The following PKIB variants were observed in gnomAD, a reference collection of about 807,000 sequenced individuals.
The protein encoded by PKIB is PKI-beta.
In PKIB, 2 loss-of-function variants were observed where a neutral mutation model predicts 4.5. That is an observed-to-expected ratio of 0.44 (90% CI 0.18 to 1.39). PKIB has a LOEUF of 1.39. Ranked by LOEUF, PKIB falls within the 40% of genes most tolerant of loss-of-function variation. PKIB has a pLI of 0.27. For missense variants in PKIB, 94 were observed against 92.6 expected (o/e 1.02, Z -0.06); for synonymous variants, 38 against 36.0 (o/e 1.06, Z -0.20).
intron 3 of PKIB, among the ~76,000 whole-genome samples, chr6:122,685,796 C>T (rs1281547529): frequency 6.6e-6 from 1 of 152,126 alleles, no homozygotes; most frequent in African/African-American, 2.4e-5. Context: ...TACCATCCCA[C>T]CACTAACCCA....
chr6:122,508,065 A>G (rs1012116491), intron 2 of PKIB, among the ~76,000 whole-genome samples: 2 of 152,142 alleles, frequency 1.3e-5, no homozygotes, highest in African/African-American at 2.4e-5. Flanking sequence ...ATTATAGGGA[A>G]TGCTTGTGTT....
At chr6:122,643,420 C>T (rs1163092431) in intron 2 of PKIB, 1 of 152,112 alleles carries the variant, frequency 6.6e-6, no homozygotes, top group Non-Finnish European at 1.5e-5. Flanking sequence ...CACTCTATCA[C>T]CAATGTCACT....
In PKIB at chr6:122,580,632, G is replaced by T. The variant is rs1394894999; in HGVS notation, c.-247-5289G>T. ...GCTTTTCAGGCTGCTGAAACTTGGG[G>T]ACTGGTTTTATCCTGTATCATATCT... is the stretch of plus-strand genomic sequence containing the variant. On this transcript the variant is annotated intron_variant, in intron 2 of 6. Coordinates refer to the PKIB transcript ENST00000392491. 2.0e-5 allele frequency among the ~76,000 whole-genome samples: 3 copies of T among 152,160 alleles called. No homozygotes were observed. The East Asian group carries it at 5.8e-4, about 29-fold the overall frequency.
intron 2 of PKIB, among the ~76,000 whole-genome samples, chr6:122,577,887 C>T (rs1171551805): frequency 2.1e-5 from 3 of 142,974 alleles, no homozygotes; most frequent in Non-Finnish European, 3.0e-5. Flanking sequence ...CCAGTCTGGG[C>T]GACAGAGCAA....
At chr6:122,704,719 AAAT>A (rs1026487200) in intron 3 of PKIB, among the ~76,000 whole-genome samples, 1 of 119,452 alleles carries the variant, frequency 8.4e-6, no homozygotes, top group African/African-American at 3.1e-5. Flanking sequence ...TCAGTTGGTG[AAAT>A]AATAACTGTG....
intron 2 of PKIB, among the ~76,000 whole-genome samples, chr6:122,526,010 A>G (rs1777083563): frequency 6.6e-6 from 1 of 152,156 alleles, no homozygotes; most frequent in African/African-American, 2.4e-5. Flanking sequence ...CTTTGTTGTC[A>G]TTTCAGTAAT....
intron 2 of PKIB, among the ~76,000 whole-genome samples, chr6:122,528,264 T>A (rs1777154090): frequency 6.6e-6 from 1 of 152,168 alleles, no homozygotes; most frequent in African/African-American, 2.4e-5. Context: ...TTCATTTTCA[T>A]CTTACATGTG....
chr6:122,664,860 GA>G (rs1777155347), intron 2 of PKIB, among the ~76,000 whole-genome samples: 1 of 152,052 alleles, frequency 6.6e-6, no homozygotes, highest in Non-Finnish European at 1.5e-5. Context: ...TTAGAATTTA[GA>G]ATGCCTAGTA....
At chr6:122,668,175 T>C (rs902624515) in intron 2 of PKIB, among the ~76,000 whole-genome samples, 5 of 152,192 alleles carry the variant, frequency 3.3e-5, no homozygotes, top group African/African-American at 1.2e-4. Context: ...TGAAAAGTAT[T>C]GTCTGGTCAT....
intron 2 of PKIB, among the ~76,000 whole-genome samples, chr6:122,506,449 C>T (rs1175353292): frequency 6.6e-6 from 1 of 151,886 alleles, no homozygotes; most frequent in Non-Finnish European, 1.5e-5. Context: ...TGTTTAGGGC[C>T]TATTATTGGT....
intron 3 of PKIB, among the ~76,000 whole-genome samples, chr6:122,703,834 C>T (rs1562311259): frequency 1.3e-5 from 2 of 149,314 alleles, no homozygotes; most frequent in African/African-American, 4.9e-5. Context: ...TATATACACA[C>T]ATATATATGT....
chr6:122,484,943 A>T (rs1775720298), intron 2 of PKIB, among the ~76,000 whole-genome samples: 1 of 152,212 alleles, frequency 6.6e-6, no homozygotes, highest in African/African-American at 2.4e-5. Flanking sequence ...GCAGAAGTTC[A>T]ACCACTCTTA....
intron 1 of PKIB, among the ~76,000 whole-genome samples, chr6:122,613,442 A>G (rs760323248): frequency 6.6e-6 from 1 of 152,168 alleles, no homozygotes; most frequent in Non-Finnish European, 1.5e-5. Flanking sequence ...AGTGATTTCC[A>G]TATACAAAAA....
At chr6:122,700,982 C>G (rs1778791121) in intron 3 of PKIB, 1 of 159,580 alleles carries the variant, frequency 6.3e-6, no homozygotes, top group Admixed American at 6.2e-5. Flanking sequence ...CCCAGGCATA[C>G]TGGCTATGGG....
At chr6:122,609,726 T>C (rs193192244), upstream of PKIB, among the ~76,000 whole-genome samples, 84 of 152,372 alleles carry the variant, frequency 5.5e-4, no homozygotes, top group African/African-American at 1.8e-3. Flanking sequence ...CCATGTAATA[T>C]GGCTTTTAAA....
intron 2 of PKIB, among the ~76,000 whole-genome samples, chr6:122,521,821 G>A (rs755248973): frequency 1.3e-5 from 2 of 152,092 alleles, no homozygotes; most frequent in African/African-American, 2.4e-5. Flanking sequence ...CCATAGAATG[G>A]TCAACATTGA....
At chr6:122,621,693 A>G (rs1382351367) in intron 1 of PKIB, among the ~76,000 whole-genome samples, 1 of 152,282 alleles carries the variant, frequency 6.6e-6, no homozygotes, top group African/African-American at 2.4e-5. Context: ...GGACAGTGAC[A>G]GGAGATGTAG....
chr6:122,504,292 A>G (rs983684954), intron 2 of PKIB, among the ~76,000 whole-genome samples: 4 of 152,158 alleles, frequency 2.6e-5, no homozygotes, highest in Admixed American at 6.5e-5. Context: ...TAGAATCTTT[A>G]TAATCAACTA....
intron 2 of PKIB, among the ~76,000 whole-genome samples, chr6:122,510,651 A>T (rs1172925644): frequency 2.0e-5 from 3 of 152,232 alleles, no homozygotes; most frequent in African/African-American, 7.2e-5. Flanking sequence ...AACTTTTTAA[A>T]TTACAAATAC....
Sources: gnomAD v4.1 joint callset for allele counts (sites outside exome capture counted in the v4.1 genomes callset) on GRCh38, gnomAD v4.1.1 for gene constraint, MANE v1.5 for transcripts, NCBI Gene and HGNC (gene_info 2026-07-23, HGNC 2026-07-21) for gene names.